The following SEMA3A variants were observed in gnomAD, a reference collection of about 807,000 sequenced individuals.
The protein encoded by SEMA3A is semaphorin 3A, also known as semaphorin-3A.
A neutral mutation model predicts 97.9 loss-of-function variants in SEMA3A; 29 were observed. The ratio of observed to expected loss-of-function variants is 0.30; its 90% CI spans 0.22 to 0.40. The LOEUF (loss-of-function observed/expected upper bound fraction) is 0.40, where lower values mean the gene tolerates loss of function less well. Among genes scored for constraint, SEMA3A ranks in the 10% least tolerant of loss-of-function variants. The pLI, the probability that SEMA3A is intolerant of heterozygous loss-of-function variation, is 1.00. For synonymous variants in SEMA3A, 321 were observed against 323.7 expected, an observed-to-expected ratio of 0.99 and a Z score of 0.09; for missense variants, 763 against 951.3, an observed-to-expected ratio of 0.80 and a Z score of 2.60.
At chr7:84,032,847 T>C (rs2116468636) in intron 6 of SEMA3A, among the ~76,000 whole-genome samples, 1 of 151,964 alleles carries the variant, frequency 6.6e-6, no homozygotes, top group African/African-American at 2.4e-5. Flanking sequence ...CTTTTTATAT[T>C]GGGGAAGTGA....
At chr7:84,266,037 A>G (rs1799991427) in intron 3 of SEMA3A, among the ~76,000 whole-genome samples, 1 of 152,022 alleles carries the variant, frequency 6.6e-6, no homozygotes, top group Admixed American at 6.6e-5. Context: ...CAATTTTTCT[A>G]GCTGGGCATG....
At chr7:84,168,881 T>C (rs182230177) in intron 1 of SEMA3A, among the ~76,000 whole-genome samples, 1 of 151,970 alleles carries the variant, frequency 6.6e-6, no homozygotes, top group East Asian at 1.9e-4. Context: ...AGTTTAAATT[T>C]CTTTTCTACT....
intron 1 of SEMA3A, among the ~76,000 whole-genome samples, chr7:84,178,402 C>T (rs1797640258): frequency 6.6e-6 from 1 of 152,128 alleles, no homozygotes; most frequent in Non-Finnish European, 1.5e-5. Context: ...CATCCATACA[C>T]ATTTTTAACA....
At chr7:84,337,955 G>T (rs929855191) in intron 2 of SEMA3A, among the ~76,000 whole-genome samples, 4 of 151,944 alleles carry the variant, frequency 2.6e-5, no homozygotes, top group African/African-American at 7.2e-5. Context: ...AAACCCCACT[G>T]GTCAGGGACA....
At chr7:84,385,818 T>C (rs531606957) in intron 1 of SEMA3A, among the ~76,000 whole-genome samples, 5 of 152,344 alleles carry the variant, frequency 3.3e-5, no homozygotes, top group Admixed American at 2.0e-4. Context: ...TTTAGGACTA[T>C]AAAACAATTA....
At chr7:84,080,510 G>A (rs1794118204) in intron 4 of SEMA3A, among the ~76,000 whole-genome samples, 1 of 151,384 alleles carries the variant, frequency 6.6e-6, no homozygotes, top group African/African-American at 2.4e-5. Context: ...TTGAGTAGTT[G>A]CAATTTTGAT....
chr7:84,364,278 A>G (rs529567157), intron 2 of SEMA3A, among the ~76,000 whole-genome samples: 49 of 151,882 alleles, frequency 3.2e-4, no homozygotes, highest in African/African-American at 1.1e-3. Context: ...ATCCTTAGTC[A>G]TATTCCCTTA....
intron 12 of SEMA3A, among the ~76,000 whole-genome samples, chr7:83,992,270 C>T (rs1789985950): frequency 6.7e-6 from 1 of 149,614 alleles, no homozygotes; most frequent in Non-Finnish European, 1.5e-5. Flanking sequence ...AAAAAACCAG[C>T]TCCTGGATTC....
At chr7:84,234,539 G>T (rs1429527725) in intron 3 of SEMA3A, among the ~76,000 whole-genome samples, 2 of 151,926 alleles carry the variant, frequency 1.3e-5, no homozygotes, top group Non-Finnish European at 2.9e-5. Context: ...AATATTCTTT[G>T]ATTACCCTTC....
At chr7:84,171,805 CT>C (rs574647096) in intron 1 of SEMA3A, among the ~76,000 whole-genome samples, 2 of 151,920 alleles carry the variant, frequency 1.3e-5, no homozygotes, top group East Asian at 1.9e-4. Context: ...ATATTTTAAA[CT>C]TTTTTTACTA....
At chr7:83,979,366 T>C in intron 14 of SEMA3A, among the ~76,000 whole-genome samples, 1 of 152,144 alleles carries the variant, frequency 6.6e-6, no homozygotes, top group Non-Finnish European at 1.5e-5. Context: ...ACTCTTGACA[T>C]CGTGAGCCGC....
chr7:84,022,054 T>C (rs1278641848), intron 6 of SEMA3A, among the ~76,000 whole-genome samples: 1 of 152,202 alleles, frequency 6.6e-6, no homozygotes, highest in African/African-American at 2.4e-5. Context: ...ATTAAAATTT[T>C]CTATTTGCAA....
intron 4 of SEMA3A, among the ~76,000 whole-genome samples, chr7:84,073,426 A>G (rs1793818791): frequency 6.6e-6 from 1 of 152,182 alleles, no homozygotes; most frequent in African/African-American, 2.4e-5. Flanking sequence ...TACTTGAAGA[A>G]TAACATAAAG....
chr7:84,246,452 G>A (rs1799478897), intron 3 of SEMA3A, among the ~76,000 whole-genome samples: 1 of 151,668 alleles, frequency 6.6e-6, no homozygotes, highest in South Asian at 2.1e-4. Context: ...ACATTAAAAA[G>A]GATTAATAAT....
intron 3 of SEMA3A, among the ~76,000 whole-genome samples, chr7:84,278,502 A>G (rs1187498103): frequency 6.6e-6 from 1 of 152,012 alleles, no homozygotes; most frequent in African/African-American, 2.4e-5. Context: ...GACCTTTCTT[A>G]TTGCTATAAA....
At chr7:83,995,900 G>A (rs927106833) in intron 12 of SEMA3A, among the ~76,000 whole-genome samples, 23 of 152,270 alleles carry the variant, frequency 1.5e-4, no homozygotes, top group Middle Eastern at 6.8e-3. Flanking sequence ...GACTAGGTTA[G>A]GAAAGTATCA....
At chr7:84,067,220 T>C (rs1036991422) in intron 4 of SEMA3A, among the ~76,000 whole-genome samples, 10 of 152,240 alleles carry the variant, frequency 6.6e-5, no homozygotes, top group African/African-American at 1.9e-4. Context: ...GCTAGCCATA[T>C]GTAGAAAGCT....
At chr7:84,173,822 T>C (rs1230634546) in intron 1 of SEMA3A, among the ~76,000 whole-genome samples, 1 of 152,068 alleles carries the variant, frequency 6.6e-6, no homozygotes, top group Non-Finnish European at 1.5e-5. Flanking sequence ...GAGCAAGCAT[T>C]ACTGCCTGAG....
chr7:84,410,203 A>G (rs2116247006), intron 1 of SEMA3A, among the ~76,000 whole-genome samples: 1 of 152,204 alleles, frequency 6.6e-6, no homozygotes, highest in Non-Finnish European at 1.5e-5. Flanking sequence ...ACAAATTCAC[A>G]CAATCCTTTA....
Sources: allele counts gnomAD v4.1 joint callset (sites outside exome capture counted in the v4.1 genomes callset), GRCh38; gene constraint gnomAD v4.1.1; transcripts MANE v1.5; gene names NCBI Gene and HGNC (gene_info 2026-07-23, HGNC 2026-07-21).